The following CLIC6 variants were observed in gnomAD, a reference collection of about 807,000 sequenced individuals.
CLIC6 encodes chloride intracellular channel protein 6.
CLIC6 carries 39 observed loss-of-function variants against 49.2 expected under a neutral mutation model. The ratio of observed to expected loss-of-function variants is 0.79; its 90% confidence interval spans 0.61 to 1.04. CLIC6 has a LOEUF of 1.04. Ranked by LOEUF, CLIC6 falls within the 50% of genes least tolerant of loss-of-function variation. The probability of loss-of-function intolerance (pLI) is 0.00; values close to 1 mark genes in which losing one functional copy is unlikely to be tolerated. For synonymous variants in CLIC6, 446 were observed against 433.4 expected (o/e 1.03, Z -0.36); for missense variants, 988 against 993.1 (o/e 0.99, Z 0.07).
Position 34,691,373 on chromosome 21 carries a change from C to T in CLIC6, c.1375-15907C>T, listed in dbSNP as rs1210631843. Among the ~76,000 whole-genome samples, 3 of 152,222 alleles carry T rather than the reference C, an allele frequency of 2.0e-5. No individual in the cohort carries two copies. In the East Asian group the frequency reaches 5.8e-4, roughly 29 times the overall value. On this transcript the variant is annotated intron_variant, in intron 1 of 5. Coordinates refer to ENST00000349499, the MANE Select transcript of CLIC6 (RefSeq NM_053277.3). ...TGATTCTGACCCTGATTTCCCTTCT[C>T]TTGAAGCTTAAAGCCAAGTTTTCTG... is the stretch of plus-strand genomic sequence containing the variant.
chr21:34,676,272 A>G (rs1989669462), intron 1 of CLIC6, among the ~76,000 whole-genome samples: 2 of 87,948 alleles, frequency 2.3e-5, no homozygotes, highest in African/African-American at 9.5e-5. Flanking sequence ...GTAAAAGCCA[A>G]CACTCCAATC....
chr21:34,679,602 G>C (rs187448775), intron 1 of CLIC6, among the ~76,000 whole-genome samples: 1 of 152,134 alleles, frequency 6.6e-6, no homozygotes, highest in Admixed American at 6.6e-5. Context: ...CTCCACCTAT[G>C]AGCCTGTAAA....
At chr21:34,712,892 G>GT in intron 5 of CLIC6, among the ~76,000 whole-genome samples, 1 of 144,232 alleles carries the variant, frequency 6.9e-6, no homozygotes, top group African/African-American at 2.8e-5. Context: ...AACCCTAACC[G>GT]TAACTCTAAC....
At chr21:34,696,703 G>C (rs1990095055) in intron 1 of CLIC6, among the ~76,000 whole-genome samples, 1 of 152,214 alleles carries the variant, frequency 6.6e-6, no homozygotes, top group Admixed American at 6.5e-5. Context: ...ATATGTGTTA[G>C]TTGCTATCAT....
chr21:34,696,520 G>C (rs1421901032), intron 1 of CLIC6, among the ~76,000 whole-genome samples: 1 of 152,108 alleles, frequency 6.6e-6, no homozygotes, highest in African/African-American at 2.4e-5. Context: ...CTAGCTGACT[G>C]CCTGGGTTCA....
intron 5 of CLIC6, 136 bp downstream of exon 5, chr21:34,709,674 G>A (rs768364697): frequency 5.0e-5 from 39 of 772,952 alleles, no homozygotes; most frequent in Non-Finnish European, 7.2e-5. Context: ...AGTTCTGTTC[G>A]GGGCAGCCAA....
intron 1 of CLIC6, among the ~76,000 whole-genome samples, chr21:34,698,083 C>A (rs1990119914): frequency 6.6e-6 from 1 of 152,214 alleles, no homozygotes; most frequent in Non-Finnish European, 1.5e-5. Context: ...ATCTCATAGG[C>A]CTGTGAGGAC....
In CLIC6 at chr21:34,708,812, T is replaced by G; in HGVS notation, c.1717+6T>G. On this transcript the variant is annotated splice_donor_region_variant and intron_variant, in intron 4 of 5. Transcript: ENST00000349499. Reference sequence around the variant, plus strand: ...GAAGAAGGATGCAAATGAGAGTGAGTACCTCCCATCCTCCTGTTTTGTTTC... The same window carrying G: ...GAAGAAGGATGCAAATGAGAGTGAGGACCTCCCATCCTCCTGTTTTGTTTC... 6.3e-7 allele frequency: 1 copy of G among 1,587,958 alleles called. No homozygotes were observed. Among genetic ancestry groups the G allele is most frequent in the Non-Finnish European group, 8.6e-7 (1 of 1,156,328 alleles).
intron 1 of CLIC6, among the ~76,000 whole-genome samples, chr21:34,688,614 C>T (rs1034224139): frequency 2.0e-5 from 3 of 152,152 alleles, no homozygotes; most frequent in Non-Finnish European, 4.4e-5. Flanking sequence ...ATAAGACCAG[C>T]GAGGGTCTCT....
chr21:34,682,369 T>A (rs1241529369), intron 1 of CLIC6, among the ~76,000 whole-genome samples: 1 of 152,244 alleles, frequency 6.6e-6, no homozygotes, highest in Non-Finnish European at 1.5e-5. Flanking sequence ...TCCATTGTCA[T>A]GTAATTTGCA....
intron 5 of CLIC6, among the ~76,000 whole-genome samples, chr21:34,712,044 C>T (rs2056060106): frequency 6.6e-6 from 1 of 152,164 alleles, no homozygotes; most frequent in Admixed American, 6.5e-5. Flanking sequence ...TTCATGGCCC[C>T]TTGTTTAGCT....
intron 1 of CLIC6, among the ~76,000 whole-genome samples, chr21:34,671,567 A>C (rs1181845137): frequency 3.3e-5 from 5 of 152,220 alleles, no homozygotes; most frequent in Non-Finnish European, 7.3e-5. Context: ...CAAGGCATGA[A>C]AAATGAAAGA....
At chr21:34,712,753 C>T (rs1475037514) in intron 5 of CLIC6, among the ~76,000 whole-genome samples, 1 of 152,152 alleles carries the variant, frequency 6.6e-6, no homozygotes, top group Non-Finnish European at 1.5e-5. Context: ...AGAATCTAGG[C>T]CCCAGCCAGT....
intron 1 of CLIC6, among the ~76,000 whole-genome samples, chr21:34,684,084 T>C (rs192938558): frequency 3.3e-4 from 49 of 150,280 alleles, no homozygotes; most frequent in African/African-American, 1.1e-3. Context: ...AAGTAAACGC[T>C]GCTTTTTTTT....
intron 1 of CLIC6, among the ~76,000 whole-genome samples, chr21:34,704,640 C>A (rs765459105): frequency 3.3e-5 from 5 of 152,160 alleles, no homozygotes; most frequent in Non-Finnish European, 5.9e-5. Flanking sequence ...GCCAGATGTT[C>A]CATTCCAGTG....
intron 1 of CLIC6, among the ~76,000 whole-genome samples, chr21:34,690,530 A>G (rs1288555980): frequency 6.6e-6 from 1 of 152,142 alleles, no homozygotes; most frequent in Non-Finnish European, 1.5e-5. Context: ...ACATGAGCTT[A>G]TTTGGAAAAT....
chr21:34,676,922 T>G (rs974187008), intron 1 of CLIC6, among the ~76,000 whole-genome samples: 4 of 139,216 alleles, frequency 2.9e-5, no homozygotes, highest in Non-Finnish European at 4.5e-5. Flanking sequence ...ATTAATTTTG[T>G]TTTTTTTTTT....
At chr21:34,681,583 C>T (rs1473949756) in intron 1 of CLIC6, among the ~76,000 whole-genome samples, 13 of 152,176 alleles carry the variant, frequency 8.5e-5, no homozygotes, top group Non-Finnish European at 1.5e-5. Context: ...TCCAAGATGG[C>T]TGGCTCACAT....
Position 34,670,224 on chromosome 21 carries a change from G to A in CLIC6, c.836G>A (p.Ser279Asn), listed in dbSNP as rs1222926505. The stretch of plus-strand genomic sequence containing the variant: ...GAAGCCGAAGGCCCGGCGGGGGACA[G>A]CATGGACGCCGAGGGTCCGGCAGGA... ...SVEAEGPAGD[S>N]MDAEGPAGRA... Residue 279 changes from serine to asparagine, a missense_variant, in exon 1 of 6, where the codon AGC (serine) becomes AAC (asparagine). By Grantham distance (46) the Ser-to-Asn change is conservative. Transcript: ENST00000349499. The A allele has an allele frequency of 7.0e-6, 10 of 1,420,450 alleles. No individual in the cohort carries two copies. The highest frequency in any genetic ancestry group is 7.3e-6 in the Non-Finnish European group (8 of 1,095,590). 88.0% of individuals were successfully genotyped at this position (1,420,450 alleles called of 1,614,324 possible).
Sources: allele counts gnomAD v4.1 joint callset (sites outside exome capture counted in the v4.1 genomes callset), GRCh38; gene constraint gnomAD v4.1.1; transcripts MANE v1.5; gene names NCBI Gene and HGNC (gene_info 2026-07-23, HGNC 2026-07-21).